Variants in ASTN1 observed in about 807,000 individuals in gnomAD.
The protein encoded by ASTN1 is astrotactin-1.
A neutral mutation model predicts 140.7 loss-of-function variants in ASTN1; 41 were observed. The observed-to-expected ratio is 0.29, with a 90% CI of 0.23 to 0.38. The LOEUF (loss-of-function observed/expected upper bound fraction) is 0.38, where lower values mean the gene tolerates loss of function less well. ASTN1 is among the 10% of genes least tolerant of loss of function. The pLI is 1.00. For missense variants in ASTN1, 1,479 were observed against 1,678.8 expected, an observed-to-expected ratio of 0.88 and a Z score of 2.08; for synonymous variants, 640 against 652.2, an observed-to-expected ratio of 0.98 and a Z score of 0.29.
intron 21 of ASTN1, among the ~76,000 whole-genome samples, chr1:176,872,150 C>T (rs1207549492): frequency 1.3e-5 from 2 of 151,842 alleles, no homozygotes; most frequent in African/African-American, 4.8e-5. Flanking sequence ...AATACATACC[C>T]TCCAAGATTC....
chr1:177,120,025 C>T (rs1432531116), intron 1 of ASTN1, among the ~76,000 whole-genome samples: 1 of 152,112 alleles, frequency 6.6e-6, no homozygotes, highest in Non-Finnish European at 1.5e-5. Flanking sequence ...ATCCAGGAAA[C>T]AGCTTCCTCC....
intron 1 of ASTN1, among the ~76,000 whole-genome samples, chr1:177,071,202 A>C (rs1262018315): frequency 6.6e-6 from 1 of 152,126 alleles, no homozygotes; most frequent in African/African-American, 2.4e-5. Flanking sequence ...TTTATGCTTT[A>C]AGACTTGGCT....
chr1:177,053,761 A>C (rs1487969905), intron 2 of ASTN1, among the ~76,000 whole-genome samples: 1 of 152,236 alleles, frequency 6.6e-6, no homozygotes, highest in East Asian at 1.9e-4. Context: ...TTTTAGAGTT[A>C]GAATTCCCCA....
chr1:177,107,612 G>A (rs1680613377), intron 1 of ASTN1, among the ~76,000 whole-genome samples: 2 of 152,160 alleles, frequency 1.3e-5, no homozygotes, highest in African/African-American at 4.8e-5. Context: ...GGCTGGCCTT[G>A]AGCTGGCTGT....
intron 8 of ASTN1, among the ~76,000 whole-genome samples, chr1:176,983,450 G>C (rs193253158): frequency 1.9e-3 from 289 of 152,306 alleles, no homozygotes; most frequent in African/African-American, 6.7e-3. Context: ...ACTCGCAGTA[G>C]ATTTCAATCC....
chr1:177,021,509 C>A (rs993566785), intron 7 of ASTN1, among the ~76,000 whole-genome samples: 1 of 152,182 alleles, frequency 6.6e-6, no homozygotes, highest in South Asian at 2.1e-4. Context: ...AATTAAGCAA[C>A]CTTTATAATC....
chr1:177,051,483 T>C (rs752786787), intron 2 of ASTN1, among the ~76,000 whole-genome samples: 4 of 152,240 alleles, frequency 2.6e-5, no homozygotes, highest in Admixed American at 1.3e-4. Context: ...GGATGGCCTA[T>C]AAAGCTAAAA....
chr1:177,084,535 T>G (rs946845960), intron 1 of ASTN1, among the ~76,000 whole-genome samples: 1 of 152,210 alleles, frequency 6.6e-6, no homozygotes, highest in Admixed American at 6.5e-5. Flanking sequence ...GTTTTTGACT[T>G]CAAGATTTTT....
intron 20 of ASTN1, among the ~76,000 whole-genome samples, chr1:176,878,598 C>T (rs1051411663): frequency 1.3e-5 from 2 of 152,078 alleles, no homozygotes; most frequent in Admixed American, 1.3e-4. Context: ...CCACCAAACC[C>T]AGCAGCTGGT....
chr1:176,868,287 T>C (rs1426851748), intron 22 of ASTN1, among the ~76,000 whole-genome samples: 1 of 152,142 alleles, frequency 6.6e-6, no homozygotes, highest in Non-Finnish European at 1.5e-5. Flanking sequence ...CTAAAAGCAG[T>C]GGGTGTGGGT....
chr1:176,941,726 T>C (rs961406033), intron 14 of ASTN1, among the ~76,000 whole-genome samples: 3 of 152,204 alleles, frequency 2.0e-5, no homozygotes, highest in Non-Finnish European at 4.4e-5. Flanking sequence ...AAATCTCTTC[T>C]CTCCACCATA....
At chr1:177,014,080 T>C (rs1441878194) in intron 8 of ASTN1, among the ~76,000 whole-genome samples, 1 of 149,434 alleles carries the variant, frequency 6.7e-6, no homozygotes, top group Non-Finnish European at 1.5e-5. Flanking sequence ...AGAAAGTGAA[T>C]AGTGGGATGC....
chr1:176,989,898 A>AATG (rs1317226301), intron 8 of ASTN1, among the ~76,000 whole-genome samples: 2 of 151,846 alleles, frequency 1.3e-5, no homozygotes, highest in African/African-American at 4.8e-5. Flanking sequence ...ATCCAGCCTG[A>AATG]ATGCTTCTTA....
chr1:177,123,824 C>T (rs1681515899), intron 1 of ASTN1, among the ~76,000 whole-genome samples: 1 of 152,180 alleles, frequency 6.6e-6, no homozygotes, highest in Admixed American at 6.5e-5. Flanking sequence ...CTTTGGGAGG[C>T]CTCAGGATCG....
At chr1:177,085,012 C>T (rs1679361097) in intron 1 of ASTN1, among the ~76,000 whole-genome samples, 1 of 152,018 alleles carries the variant, frequency 6.6e-6, no homozygotes, top group African/African-American at 2.4e-5. Flanking sequence ...GGGTTGAGCA[C>T]AACAAGTGAA....
intron 18 of ASTN1, among the ~76,000 whole-genome samples, chr1:176,885,754 A>T (rs558105918): frequency 6.6e-6 from 1 of 152,332 alleles, no homozygotes; most frequent in African/African-American, 2.4e-5. Flanking sequence ...GTGGTGCACA[A>T]GCCCATCCCA....
chr1:176,890,619 A>T (rs1250933055), intron 17 of ASTN1, among the ~76,000 whole-genome samples: 1 of 152,202 alleles, frequency 6.6e-6, no homozygotes, highest in African/African-American at 2.4e-5. Flanking sequence ...GAGCAACATG[A>T]TCAGATTTTC....
chr1:177,030,869 G>C lies in ASTN1; in HGVS notation c.949C>G (p.Gln317Glu). ...ATSPVDSNHQ[Q>E]ATLLSHTSSS... ...GAGGTGTGAGAGAGAAGGGTGGCTT[G>C]CTGGTGGTTGGAGTCCACAGGGCTA... The change falls in exon 4 of 23, where the codon CAA becomes GAA. Residue 317 changes from glutamine (Q) to glutamate (E), a missense_variant. Physicochemically the swap from Gln to Glu is conservative, Grantham distance 29 (BLOSUM62 2). Coordinates refer to ENST00000361833, the MANE Select transcript of ASTN1 (RefSeq NM_004319.3). 1.2e-6 allele frequency: 2 copies of C among 1,614,210 alleles called. No homozygotes were observed. Among genetic ancestry groups the C allele is most frequent in the Non-Finnish European group, 1.7e-6 (2 of 1,180,024 alleles).
rs528980697 is a variant in ASTN1, at chr1:177,028,774, T to C, written c.1120+860A>G. On this transcript the variant is annotated intron_variant, in intron 5 of 22. Transcript: ENST00000361833. Reference sequence around the variant, plus strand: ...CAATCTCCAAAAAGGCACATTTTAATATAATTTAATCCTGATAAAGCTCTA... The same window carrying C: ...CAATCTCCAAAAAGGCACATTTTAACATAATTTAATCCTGATAAAGCTCTA... Among the ~76,000 whole-genome samples, 9 of 152,334 alleles carry C rather than the reference T, an allele frequency of 5.9e-5. No individual in the cohort carries two copies. The South Asian group carries it at 1.4e-3, about 25-fold the overall frequency.
Sources: gnomAD v4.1 joint callset for allele counts (sites outside exome capture counted in the v4.1 genomes callset) on GRCh38, gnomAD v4.1.1 for gene constraint, MANE v1.5 for transcripts, NCBI Gene and HGNC (gene_info 2026-07-23, HGNC 2026-07-21) for gene names.